LRRTM4: variants seen among roughly 807,000 people sequenced by gnomAD.
LRRTM4 encodes the protein leucine-rich repeat transmembrane neuronal protein 4.
LRRTM4 carries 25 observed loss-of-function variants against 47.6 expected under a neutral mutation model. That is an observed-to-expected ratio of 0.53 (90% CI 0.38 to 0.73). The LOEUF is 0.73. Among genes scored for constraint, LRRTM4 ranks in the 30% least tolerant of loss-of-function variants. LRRTM4 has a pLI of 0.00. For synonymous variants in LRRTM4, 311 were observed against 269.5 expected (o/e 1.15, Z -1.51); for missense variants, 638 against 713.4 (o/e 0.89, Z 1.20).
At chr2:77,307,370 A>G (rs1573227201) in intron 3 of LRRTM4, among the ~76,000 whole-genome samples, 1 of 151,354 alleles carries the variant, frequency 6.6e-6, no homozygotes, top group South Asian at 2.1e-4. Flanking sequence ...TATTTCAGGA[A>G]TTCACACATT....
intron 3 of LRRTM4, among the ~76,000 whole-genome samples, chr2:76,818,639 T>C (rs992376397): frequency 1.3e-5 from 2 of 151,760 alleles, no homozygotes; most frequent in Non-Finnish European, 2.9e-5. Flanking sequence ...AATTGACCAA[T>C]TGTTTATCCA....
chr2:77,234,116 C>A (rs1470845277), intron 3 of LRRTM4, among the ~76,000 whole-genome samples: 1 of 152,112 alleles, frequency 6.6e-6, no homozygotes, highest in Non-Finnish European at 1.5e-5. Context: ...TTTAGAGTAG[C>A]ACGTATGTGC....
Position 77,401,246 on chromosome 2 carries a change from T to C in LRRTM4, c.1551+117072A>G, listed in dbSNP as rs569845664. Among the ~76,000 whole-genome samples, 28 of 152,040 alleles carry C rather than the reference T, an allele frequency of 1.8e-4. 1 individual carries two copies. Among genetic ancestry groups the C allele is most frequent in the African/African-American group, 6.7e-4 (28 of 41,524 alleles). ...GAAGTGCTGGGGTAAGGCCCAGCAA[T>C]TGCACCTTGTTAAAACCTCCAAGGG... is the stretch of plus-strand genomic sequence containing the variant. On this transcript the variant is annotated intron_variant, in intron 3 of 3. Transcript: ENST00000409884.
chr2:76,994,940 G>T (rs1164614471), intron 3 of LRRTM4, among the ~76,000 whole-genome samples: 1 of 151,898 alleles, frequency 6.6e-6, no homozygotes, highest in Non-Finnish European at 1.5e-5. Flanking sequence ...CTAGGAAAAT[G>T]AAATCTTTGC....
intron 3 of LRRTM4, among the ~76,000 whole-genome samples, chr2:76,787,799 T>C (rs756369670): frequency 1.6e-4 from 25 of 152,204 alleles, no homozygotes; most frequent in Middle Eastern, 3.4e-3. Flanking sequence ...TTGATTTTCT[T>C]TTCTGTCCAA....
intron 3 of LRRTM4, among the ~76,000 whole-genome samples, chr2:76,902,570 A>T: frequency 6.6e-6 from 1 of 152,164 alleles, no homozygotes; most frequent in Non-Finnish European, 1.5e-5. Flanking sequence ...GAACTAGAAG[A>T]TGGTAGCCAG....
chr2:76,818,375 A>G (rs1193427455), intron 3 of LRRTM4, among the ~76,000 whole-genome samples: 2 of 151,762 alleles, frequency 1.3e-5, no homozygotes, highest in East Asian at 3.9e-4. Context: ...AGCAGAAAAA[A>G]AATAATAAAG....
intron 3 of LRRTM4, among the ~76,000 whole-genome samples, chr2:77,211,804 A>G (rs1350409783): frequency 1.3e-5 from 2 of 152,106 alleles, no homozygotes; most frequent in African/African-American, 4.8e-5. Flanking sequence ...CAAATATTTC[A>G]CCAATTTTTA....
intron 3 of LRRTM4, among the ~76,000 whole-genome samples, chr2:77,184,058 T>C (rs1673431622): frequency 1.3e-5 from 2 of 152,038 alleles, no homozygotes; most frequent in South Asian, 4.1e-4. Context: ...ATTGTGCACA[T>C]GTACCCTAAA....
rs762336894 is a variant in LRRTM4 at position 76,933,024 on chromosome 2, GA to G, written c.1552-184109del. ...AAGTTCACATAGAAAAATCATTTGAGAAATCTTAATATTCAATTCCTCACAT... is the reference window on the plus strand; with the variant it reads ...AAGTTCACATAGAAAAATCATTTGAGAATCTTAATATTCAATTCCTCACAT... On this transcript the variant is annotated intron_variant, in intron 3 of 3. Coordinates refer to ENST00000409884, the MANE Select transcript of LRRTM4 (RefSeq NM_001134745.3). Among the ~76,000 whole-genome samples, 3 of 152,004 alleles carry G rather than the reference GA, an allele frequency of 2.0e-5. No individual in the cohort carries two copies. The East Asian group carries it at 5.8e-4, about 29-fold the overall frequency.
chr2:76,954,219 T>C (rs77347874), intron 3 of LRRTM4, among the ~76,000 whole-genome samples: 160 of 151,804 alleles, frequency 1.1e-3, no homozygotes, highest in Non-Finnish European at 1.9e-3. Context: ...AAATAAATTT[T>C]TAGAAACAAA....
At chr2:77,156,571 C>T (rs994591819) in intron 3 of LRRTM4, among the ~76,000 whole-genome samples, 2 of 151,866 alleles carry the variant, frequency 1.3e-5, no homozygotes, top group Admixed American at 6.6e-5. Flanking sequence ...TAACATAAGA[C>T]TAAAAACATC....
At chr2:77,214,983 G>A (rs1292260362) in intron 3 of LRRTM4, among the ~76,000 whole-genome samples, 2 of 152,046 alleles carry the variant, frequency 1.3e-5, no homozygotes, top group East Asian at 3.9e-4. Context: ...TAAGTTAATT[G>A]TCTTATGCTA....
At chr2:76,900,519 G>A (rs1409058831) in intron 3 of LRRTM4, among the ~76,000 whole-genome samples, 2 of 151,888 alleles carry the variant, frequency 1.3e-5, no homozygotes, top group Non-Finnish European at 2.9e-5. Context: ...TTTCTTGTGT[G>A]CCAAAGCATA....
rs1344781403 is a variant in LRRTM4, at chr2:77,299,335, G to GTATA, written c.1551+218979_1551+218982dup. Among the ~76,000 whole-genome samples the GTATA allele has an allele frequency of 6.7e-5, 10 of 148,950 alleles. No homozygotes were observed. In the East Asian group the frequency reaches 1.8e-3, roughly 27 times the overall value. On this transcript the variant is annotated intron_variant, in intron 3 of 3. Coordinates refer to ENST00000409884, the MANE Select transcript of LRRTM4 (RefSeq NM_001134745.3). Reference sequence around the variant, plus strand: ...TATACATATATATGTGTGTATATATGTATATACGTATATATATGTATATAT... The same window carrying GTATA: ...TATACATATATATGTGTGTATATATGTATATATATACGTATATATATGTATATAT...
intron 3 of LRRTM4, among the ~76,000 whole-genome samples, chr2:77,285,791 C>T (rs1479879136): frequency 6.6e-6 from 1 of 151,768 alleles, no homozygotes; most frequent in African/African-American, 2.4e-5. Flanking sequence ...AGAAAATAAG[C>T]AACATATATT....
intron 3 of LRRTM4, among the ~76,000 whole-genome samples, chr2:76,953,366 T>A (rs1675560333): frequency 6.6e-6 from 1 of 151,752 alleles, no homozygotes; most frequent in African/African-American, 2.4e-5. Context: ...CCATGCAACC[T>A]CAAAGCCAAG....
At chr2:77,238,372 A>G (rs1573122442) in intron 3 of LRRTM4, among the ~76,000 whole-genome samples, 1 of 152,128 alleles carries the variant, frequency 6.6e-6, no homozygotes, top group African/African-American at 2.4e-5. Flanking sequence ...CCCTTAAAAG[A>G]ACACCAAAAA....
At chr2:76,927,634 A>G (rs191169620) in intron 3 of LRRTM4, among the ~76,000 whole-genome samples, 5 of 152,276 alleles carry the variant, frequency 3.3e-5, no homozygotes, top group Admixed American at 2.0e-4. Flanking sequence ...CTTGCAGCCA[A>G]TGGAATCCTA....
Sources: allele counts gnomAD v4.1 joint callset (sites outside exome capture counted in the v4.1 genomes callset), GRCh38; gene constraint gnomAD v4.1.1; transcripts MANE v1.5; gene names NCBI Gene and HGNC (gene_info 2026-07-23, HGNC 2026-07-21).